Variants in NSG1 observed in about 807,000 individuals in gnomAD.
NSG1 encodes neuronal vesicle trafficking associated 1.
In NSG1, 9 loss-of-function variants were observed where a neutral mutation model predicts 19.3. The observed-to-expected ratio is 0.47, with a 90% CI of 0.28 to 0.81. The LOEUF (loss-of-function observed/expected upper bound fraction) is 0.81. NSG1 is among the 40% of genes least tolerant of loss of function. The probability of loss-of-function intolerance (pLI) is 0.11; values close to 1 mark genes in which losing one functional copy is unlikely to be tolerated. For synonymous variants in NSG1, 104 were observed against 107.0 expected (o/e 0.97, Z 0.17); for missense variants, 236 against 242.4 (o/e 0.97, Z 0.18).
At chr4:4,408,415 CCT>C (rs1359061487) in intron 3 of NSG1, among the ~76,000 whole-genome samples, 1 of 152,194 alleles carries the variant, frequency 6.6e-6, no homozygotes, top group Non-Finnish European at 1.5e-5. Flanking sequence ...GCTCTCTCTG[CCT>C]CTCTGGGCAG....
At chr4:4,407,929 A>G (rs1723955794) in intron 3 of NSG1, among the ~76,000 whole-genome samples, 1 of 152,054 alleles carries the variant, frequency 6.6e-6, no homozygotes, top group Non-Finnish European at 1.5e-5. Context: ...GGGGCCCCCA[A>G]AGAGAAGGAG....
At chr4:4,407,376 G>A (rs574329887) in intron 3 of NSG1, among the ~76,000 whole-genome samples, 1 of 152,222 alleles carries the variant, frequency 6.6e-6, no homozygotes, top group East Asian at 1.9e-4. Context: ...GTTGTAGTGG[G>A]TCTGAGCTGG....
intron 3 of NSG1, among the ~76,000 whole-genome samples, chr4:4,409,252 T>C (rs1174290003): frequency 1.3e-5 from 2 of 152,270 alleles, no homozygotes; most frequent in Admixed American, 6.5e-5. Flanking sequence ...ACATGTGTCT[T>C]AGTGGCCCGA....
At chr4:4,407,937 G>A (rs1480618279) in intron 3 of NSG1, among the ~76,000 whole-genome samples, 1 of 152,100 alleles carries the variant, frequency 6.6e-6, no homozygotes, top group Admixed American at 6.5e-5. Context: ...CAAAGAGAAG[G>A]AGGGTTAGCC....
In NSG1 at chr4:4,409,703, C is replaced by A. The variant is rs777833490; in HGVS notation, c.357+20C>A. The A allele has an allele frequency of 6.3e-7, 1 of 1,593,342 alleles. No homozygotes were observed. Among genetic ancestry groups the A allele is most frequent in the African/African-American group, 1.3e-5 (1 of 74,624 alleles). ...CTCAAGGTAAAACTCCGTTTTCCCC[C>A]AGAGGCCCTGGGACGCCTTTGCACC... On this transcript the variant is annotated intron_variant, in intron 4 of 4. Coordinates refer to ENST00000621129, the MANE Select transcript of NSG1 (RefSeq NM_014392.5).
At chr4:4,389,539 A>G (rs1722897468) in intron 2 of NSG1, among the ~76,000 whole-genome samples, 1 of 152,154 alleles carries the variant, frequency 6.6e-6, no homozygotes, top group Non-Finnish European at 1.5e-5. Context: ...TGAAGGTTAC[A>G]GTCCTCCAGG....
At chr4:4,398,544 A>T (rs1028815882) in intron 3 of NSG1, among the ~76,000 whole-genome samples, 1 of 152,126 alleles carries the variant, frequency 6.6e-6, no homozygotes, top group African/African-American at 2.4e-5. Context: ...GTAAGATGTG[A>T]TGTGACCATC....
rs561283962 is a variant in NSG1 at position 4,418,486 on chromosome 4, C to T, written c.*1051C>T. ...AAACAAAATGACAAATTTCAACTCACAATCTTTGTAAGAAAATTGTTCCAG... is the reference window on the plus strand; with the variant it reads ...AAACAAAATGACAAATTTCAACTCATAATCTTTGTAAGAAAATTGTTCCAG... On this transcript the variant is annotated 3_prime_UTR_variant, in exon 5 of 5. Transcript: ENST00000621129. 1 of 152,756 alleles carries T rather than the reference C, an allele frequency of 6.5e-6. No individual in the cohort carries two copies. Among genetic ancestry groups the T allele is most frequent in the South Asian group, 2.1e-4 (1 of 4,824 alleles). 9.5% of individuals were successfully genotyped at this position (152,756 alleles called of 1,614,324 possible).
At chr4:4,396,215 C>T (rs904524402) in intron 3 of NSG1, among the ~76,000 whole-genome samples, 26 of 152,162 alleles carry the variant, frequency 1.7e-4, no homozygotes, top group Admixed American at 1.6e-3. Context: ...TGCAGAGTGG[C>T]GGGTCGGGGC....
chr4:4,387,351 G>GC (rs933380253), intron 1 of NSG1, among the ~76,000 whole-genome samples, 178 bp downstream of exon 1: 10 of 152,112 alleles, frequency 6.6e-5, no homozygotes, highest in Non-Finnish European at 1.5e-4. Flanking sequence ...CAGGGGCGGC[G>GC]CCCCCTTCCC....
At chr4:4,407,137 C>G (rs973986001) in intron 3 of NSG1, among the ~76,000 whole-genome samples, 1 of 152,228 alleles carries the variant, frequency 6.6e-6, no homozygotes. Context: ...GCACTGTAGG[C>G]CATCCCAGTG....
At chr4:4,393,173 C>T (rs1723085324) in intron 3 of NSG1, among the ~76,000 whole-genome samples, 1 of 152,178 alleles carries the variant, frequency 6.6e-6, no homozygotes, top group Admixed American at 6.5e-5. Flanking sequence ...CTGGGTTTCT[C>T]AGGCCCCACT....
intron 2 of NSG1, among the ~76,000 whole-genome samples, chr4:4,389,353 C>T (rs1438249878): frequency 6.6e-6 from 1 of 152,210 alleles, no homozygotes; most frequent in Non-Finnish European, 1.5e-5. Flanking sequence ...AGCGGGGCAG[C>T]CAGCAGGGAT....
At chr4:4,387,944 G>C (rs1204086614) in intron 2 of NSG1, among the ~76,000 whole-genome samples, 186 bp downstream of exon 2, 1 of 150,572 alleles carries the variant, frequency 6.6e-6, no homozygotes, top group Admixed American at 6.7e-5. Context: ...TGCTGGGCGG[G>C]GGAGGGGAGC....
At chr4:4,409,763 G>A in intron 4 of NSG1, 80 bp downstream of exon 4, 2 of 1,150,008 alleles carry the variant, frequency 1.7e-6, no homozygotes, top group African/African-American at 1.5e-5. Flanking sequence ...GGCTGCTCCT[G>A]CCGTCTCCCC....
intron 4 of NSG1, among the ~76,000 whole-genome samples, chr4:4,411,481 C>T (rs544050266): frequency 6.6e-6 from 1 of 152,234 alleles, no homozygotes; most frequent in African/African-American, 2.4e-5. Context: ...CAGTGGCTCA[C>T]GCCTGTAATC....
intron 4 of NSG1, among the ~76,000 whole-genome samples, chr4:4,416,854 C>T (rs1359827309): frequency 6.6e-6 from 1 of 152,230 alleles, no homozygotes; most frequent in East Asian, 1.9e-4. Context: ...AAGGGAAGCT[C>T]TTCTCACTTC....
intron 2 of NSG1, among the ~76,000 whole-genome samples, chr4:4,390,014 G>A (rs533063932): frequency 4.6e-4 from 70 of 152,356 alleles, no homozygotes; most frequent in African/African-American, 1.7e-3. Flanking sequence ...GTTAGTGGCA[G>A]GTGGGGATAG....
intron 4 of NSG1, 118 bp downstream of exon 4, chr4:4,409,801 C>A: frequency 1.3e-6 from 1 of 772,944 alleles, no homozygotes. Context: ...GGCCTTAGAG[C>A]AGCAGGGGGC....
Sources: gnomAD v4.1 joint callset for allele counts (sites outside exome capture counted in the v4.1 genomes callset) on GRCh38, gnomAD v4.1.1 for gene constraint, MANE v1.5 for transcripts, NCBI Gene and HGNC (gene_info 2026-07-23, HGNC 2026-07-21) for gene names.